Variants in RNF180 observed in about 807,000 individuals in gnomAD.
RNF180 encodes ring finger protein 180, also known as E3 ubiquitin-protein ligase RNF180.
RNF180 carries 38 observed loss-of-function variants against 59.2 expected under a neutral mutation model. The ratio of observed to expected loss-of-function variants is 0.64; its 90% CI spans 0.50 to 0.84. The LOEUF (loss-of-function observed/expected upper bound fraction) is 0.84, where lower values mean the gene tolerates loss of function less well. Among genes scored for constraint, RNF180 ranks in the 40% least tolerant of loss-of-function variants. RNF180 has a pLI of 0.00. For missense variants in RNF180, 705 were observed against 700.9 expected (o/e 1.01, Z -0.07); for synonymous variants, 262 against 240.3 (o/e 1.09, Z -0.84).
At chr5:64,298,237 G>A (rs572772424) in intron 5 of RNF180, among the ~76,000 whole-genome samples, 6 of 152,088 alleles carry the variant, frequency 3.9e-5, no homozygotes, top group Admixed American at 6.6e-5. Context: ...TGGTGTAAAT[G>A]TACATTTTCT....
At chr5:64,239,532 A>G (rs143083108) in intron 5 of RNF180, among the ~76,000 whole-genome samples, 2,053 of 152,172 alleles carry the variant, frequency 0.013, 32 homozygotes, top group African/African-American at 0.033. Context: ...TCAAAAGACA[A>G]TTGTCTTTTG....
intron 5 of RNF180, among the ~76,000 whole-genome samples, chr5:64,269,785 G>T (rs76437373): frequency 0.082 from 12,435 of 152,036 alleles, 753 homozygotes; most frequent in Admixed American, 0.14. Flanking sequence ...CAAACATTTT[G>T]GCATGTATTT....
chr5:64,172,228 G>A (rs542671643), intron 1 of RNF180, among the ~76,000 whole-genome samples: 1 of 152,248 alleles, frequency 6.6e-6, no homozygotes, highest in Non-Finnish European at 1.5e-5. Context: ...GTAAAATTCA[G>A]GCACAGGTAT....
At chr5:64,338,540 CAGG>C (rs1247052518) in intron 7 of RNF180, among the ~76,000 whole-genome samples, 2 of 150,698 alleles carry the variant, frequency 1.3e-5, no homozygotes, top group Admixed American at 6.6e-5. Flanking sequence ...GAGTCTGAGG[CAGG>C]AGAATGGCGT....
chr5:64,322,571 GTATA>G (rs376743940), intron 5 of RNF180, among the ~76,000 whole-genome samples: 1 of 146,326 alleles, frequency 6.8e-6, no homozygotes. Context: ...ATGTATACAC[GTATA>G]TATATATATA....
chr5:64,315,610 G>A (rs571319641), intron 5 of RNF180, among the ~76,000 whole-genome samples: 16 of 151,056 alleles, frequency 1.1e-4, no homozygotes, highest in Non-Finnish European at 2.4e-4. Flanking sequence ...CAGGCATAGT[G>A]GTGCATGCCT....
chr5:64,212,344 GCACA>G (rs151002859), intron 3 of RNF180, among the ~76,000 whole-genome samples, 184 bp downstream of exon 3: 1 of 149,408 alleles, frequency 6.7e-6, no homozygotes, highest in South Asian at 2.1e-4. Flanking sequence ...TGTGTTTTAC[GCACA>G]CACACACACA....
chr5:64,253,866 T>C (rs915907761), intron 5 of RNF180, among the ~76,000 whole-genome samples: 1 of 152,094 alleles, frequency 6.6e-6, no homozygotes, highest in African/African-American at 2.4e-5. Flanking sequence ...GTCTAAGAGA[T>C]CAAGCAGCTT....
chr5:64,250,898 A>G (rs1743527083), intron 5 of RNF180, among the ~76,000 whole-genome samples: 1 of 152,178 alleles, frequency 6.6e-6, no homozygotes, highest in Non-Finnish European at 1.5e-5. Flanking sequence ...CAGACACACT[A>G]CAATAAAAAG....
chr5:64,215,808 AAAAG>A (rs1387648117), intron 4 of RNF180, among the ~76,000 whole-genome samples: 2 of 152,274 alleles, frequency 1.3e-5, no homozygotes, highest in African/African-American at 2.4e-5. Flanking sequence ...ATAGAAATGA[AAAAG>A]AAGTATGAAA....
chr5:64,353,727 A>G (rs939607018), intron 7 of RNF180, among the ~76,000 whole-genome samples: 5 of 151,860 alleles, frequency 3.3e-5, no homozygotes, highest in Admixed American at 2.0e-4. Flanking sequence ...TAGTACCACA[A>G]AGTAAGTCTT....
intron 1 of RNF180, 31 bp from the exon 2 acceptor site, chr5:64,200,775 TAA>T (rs1002136565): frequency 6.3e-7 from 1 of 1,591,706 alleles, no homozygotes; most frequent in African/African-American, 1.3e-5. Flanking sequence ...TCTGACAGTT[TAA>T]CATTCTAAAA....
At chr5:64,171,237 G>A (rs1158751470) in intron 1 of RNF180, among the ~76,000 whole-genome samples, 1 of 152,204 alleles carries the variant, frequency 6.6e-6, no homozygotes, top group Non-Finnish European at 1.5e-5. Context: ...GACTGAGGGG[G>A]ATAACGACAA....
chr5:64,182,247 T>A (rs1233892759), intron 1 of RNF180, among the ~76,000 whole-genome samples: 2 of 152,132 alleles, frequency 1.3e-5, no homozygotes, highest in African/African-American at 4.8e-5. Context: ...CGCTTTGGCC[T>A]CCCAAAGTCC....
chr5:64,354,634 T>C (rs1474735832), intron 7 of RNF180, among the ~76,000 whole-genome samples: 1 of 151,830 alleles, frequency 6.6e-6, no homozygotes, highest in Non-Finnish European at 1.5e-5. Context: ...GCCAAAGTTA[T>C]CACAAGAAAA....
At chr5:64,178,202 CAAAAAAA>C (rs67465847) in intron 1 of RNF180, among the ~76,000 whole-genome samples, 3 of 86,830 alleles carry the variant, frequency 3.5e-5, no homozygotes, top group African/African-American at 8.7e-5. Flanking sequence ...GACTCCATCT[CAAAAAAA>C]AAAAAAAAAA....
At chr5:64,336,753 C>T (rs1430144200) in intron 7 of RNF180, among the ~76,000 whole-genome samples, 5 of 152,080 alleles carry the variant, frequency 3.3e-5, no homozygotes, top group Admixed American at 6.5e-5. Context: ...ATGGGGGTTT[C>T]TGCCCTTATT....
At chr5:64,343,170 T>C (rs1394655579) in intron 7 of RNF180, among the ~76,000 whole-genome samples, 1 of 152,140 alleles carries the variant, frequency 6.6e-6, no homozygotes, top group African/African-American at 2.4e-5. Flanking sequence ...ATCTCCTCTT[T>C]GATCTAGATG....
chr5:64,184,236 T>C (rs1750759827), intron 1 of RNF180, among the ~76,000 whole-genome samples: 1 of 152,218 alleles, frequency 6.6e-6, no homozygotes, highest in African/African-American at 2.4e-5. Context: ...TTCTGTTGTT[T>C]AAACTACCCA....
Sources: allele counts gnomAD v4.1 joint callset (sites outside exome capture counted in the v4.1 genomes callset), GRCh38; gene constraint gnomAD v4.1.1; transcripts MANE v1.5; gene names NCBI Gene and HGNC (gene_info 2026-07-23, HGNC 2026-07-21).